Variants in BCL11B observed in about 807,000 individuals in gnomAD.
BCL11B encodes the protein BCL11 transcription factor B, also known as B-cell lymphoma/leukemia 11B.
In BCL11B, 8 loss-of-function variants were observed where a neutral mutation model predicts 49.9. That is an observed-to-expected ratio of 0.16 (90% CI 0.09 to 0.29). BCL11B has a LOEUF of 0.29. Among genes scored for constraint, BCL11B ranks in the 10% least tolerant of loss-of-function variants. The pLI, the probability that BCL11B is intolerant of heterozygous loss-of-function variation, is 1.00. For synonymous variants in BCL11B, 739 were observed against 637.4 expected (o/e 1.16, Z -2.40); for missense variants, 1,006 against 1,351.0 (o/e 0.74, Z 4.00).
At chr14:99,218,473 T>G in intron 3 of BCL11B, among the ~76,000 whole-genome samples, 1 of 152,102 alleles carries the variant, frequency 6.6e-6, no homozygotes, top group East Asian at 1.9e-4. Context: ...GTGACCACAC[T>G]GCCTTCCATA....
chr14:99,236,804 A>C (rs1234273937), intron 2 of BCL11B, among the ~76,000 whole-genome samples: 1 of 152,198 alleles, frequency 6.6e-6, no homozygotes, highest in Non-Finnish European at 1.5e-5. Context: ...CGGCTCCAAG[A>C]GCTGTCTGCT....
Position 99,231,705 on chromosome 14 carries a change from G to A in BCL11B, c.428-148C>T. 10 of 801,216 alleles carry A rather than the reference G, an allele frequency of 1.2e-5. No homozygotes were observed. The highest frequency in any genetic ancestry group is 2.0e-5 in the Non-Finnish European group (10 of 510,828). The allele number at this position is 801,216 out of a possible 1,614,324, so 49.6% of individuals were successfully genotyped here. A position where few individuals can be genotyped will look rare whatever the true frequency, so the allele number is the denominator to read the frequency against. ...CCGGGGTGCCAGGCCCTGCAGGGAA[G>A]GCAATCGGGACACAGGCGAGGGAAT... On this transcript the variant is annotated intron_variant, in intron 2 of 3. Coordinates refer to ENST00000357195, the MANE Select transcript of BCL11B (RefSeq NM_138576.4). The surrounding 1 kb of genome is among the most constrained non-coding windows in gnomAD (Gnocchi z 8.1).
rs201911943 is a variant in BCL11B at position 99,260,869 on chromosome 14, G to A, written c.59-3030C>T. Among the ~76,000 whole-genome samples the A allele has an allele frequency of 4.6e-5, 7 of 151,750 alleles. No homozygotes were observed. In the East Asian group the frequency reaches 5.8e-4, roughly 13 times the overall value. On this transcript the variant is annotated intron_variant, in intron 1 of 3. Coordinates refer to ENST00000357195, the MANE Select transcript of BCL11B (RefSeq NM_138576.4). ...CTGTTGGCGTCCCCGAGACAGCCCC[G>A]GGATTATCCAGGCCTCCAGGGCTCA...
At chr14:99,240,745 CAACAAAATGTGTAAAAATT>C (rs1468768598) in intron 2 of BCL11B, among the ~76,000 whole-genome samples, 10 of 152,284 alleles carry the variant, frequency 6.6e-5, no homozygotes, top group Admixed American at 4.6e-4. Flanking sequence ...AGTGCGTGCA[CAACAAAATGTGTAAAAATT>C]AACACTTCGC....
intron 3 of BCL11B, among the ~76,000 whole-genome samples, chr14:99,180,407 C>T (rs1319286263): frequency 6.6e-6 from 1 of 152,212 alleles, no homozygotes; most frequent in Non-Finnish European, 1.5e-5. Context: ...CAGAAACCCA[C>T]ACTGGATCTT....
At chr14:99,252,500 A>C (rs1889035444) in intron 2 of BCL11B, among the ~76,000 whole-genome samples, 2 of 152,126 alleles carry the variant, frequency 1.3e-5, no homozygotes, top group Admixed American at 1.3e-4. Flanking sequence ...TCTCTCACAC[A>C]TTTTGCTTAG....
At chr14:99,226,129 C>T (rs775393180) in intron 3 of BCL11B, among the ~76,000 whole-genome samples, 4 of 152,310 alleles carry the variant, frequency 2.6e-5, no homozygotes, top group South Asian at 4.1e-4. Context: ...GGCCCTTGGG[C>T]GATGTAGACA....
intron 3 of BCL11B, among the ~76,000 whole-genome samples, chr14:99,218,298 T>A (rs919942624): frequency 2.7e-5 from 4 of 147,376 alleles, no homozygotes; most frequent in Non-Finnish European, 5.9e-5. Flanking sequence ...GCCAGGATGG[T>A]CTCGATCCCC....
rs939568185 is a variant in BCL11B at position 99,192,294 on chromosome 14, G to A, written c.641-16099C>T. The stretch of plus-strand genomic sequence containing the variant: ...ATACAGTAGCACTTTCATTTTAAGC[G>A]CCCCAGCCACGCTTCCCTAATAACA... On this transcript the variant is annotated intron_variant, in intron 3 of 3. Transcript: ENST00000357195. The surrounding 1 kb of genome is among the most constrained non-coding windows in gnomAD (Gnocchi z 4.0). Among the ~76,000 whole-genome samples, 14 of 152,144 alleles carry A rather than the reference G, an allele frequency of 9.2e-5. No individual in the cohort carries two copies. The highest frequency in any genetic ancestry group is 3.4e-3 in the Middle Eastern group (1 of 294).
At chr14:99,196,541 G>C (rs1887184715) in intron 3 of BCL11B, among the ~76,000 whole-genome samples, 2 of 152,188 alleles carry the variant, frequency 1.3e-5, no homozygotes, top group African/African-American at 4.8e-5. Flanking sequence ...GAAAACCTAA[G>C]GTCCTAGGCC....
intron 2 of BCL11B, among the ~76,000 whole-genome samples, chr14:99,256,315 G>A (rs1175684845): frequency 2.6e-5 from 4 of 152,222 alleles, no homozygotes; most frequent in Non-Finnish European, 5.9e-5. Flanking sequence ...TGAGAGAGAA[G>A]TGCCACGGGC....
chr14:99,176,684 G>T (rs931980584), intron 3 of BCL11B, among the ~76,000 whole-genome samples: 14 of 152,100 alleles, frequency 9.2e-5, no homozygotes, highest in African/African-American at 3.1e-4. Flanking sequence ...TGGGCGGTGG[G>T]GGCTGTCCTG....
At position 99,169,523 on chromosome 14, in the gene BCL11B, T is replaced by G. The variant is rs770947326; in HGVS notation, c.*4628A>C. The G allele has an allele frequency of 3.2e-4, 65 of 202,994 alleles. No homozygotes were observed. Among genetic ancestry groups the G allele is most frequent in the Non-Finnish European group, 1.0e-4 (10 of 98,846 alleles). 12.6% of individuals were successfully genotyped at this position (202,994 alleles called of 1,614,324 possible). A position where few individuals can be genotyped will look rare whatever the true frequency, so the allele number is the denominator to read the frequency against. On this transcript the variant is annotated 3_prime_UTR_variant, in exon 4 of 4. Transcript: ENST00000357195. ...ACATTTTATCCATAATAAAAAAAAG[T>G]GCCTGTTTCTTAAACAGAGCACAAA...
intron 2 of BCL11B, among the ~76,000 whole-genome samples, chr14:99,254,467 G>A (rs923186610): frequency 2.6e-5 from 4 of 152,186 alleles, no homozygotes; most frequent in Non-Finnish European, 4.4e-5. Context: ...AAGGAAGAGC[G>A]GGGACCTGCC....
In BCL11B at chr14:99,271,253, C is replaced by T. The variant is rs752098380; in HGVS notation, c.-35G>A. The T allele has an allele frequency of 1.3e-5, 18 of 1,411,076 alleles. No homozygotes were observed. The Admixed American group carries it at 1.9e-4, about 15-fold the overall frequency. 87.4% of individuals were successfully genotyped at this position (1,411,076 alleles called of 1,614,324 possible). On this transcript the variant is annotated 5_prime_UTR_variant, in exon 1 of 4. Coordinates refer to ENST00000357195, the MANE Select transcript of BCL11B (RefSeq NM_138576.4). ...ATCTATTCTGGCATCGCCCGGAGAG[C>T]TGCACTGATGGGGGGAGCCGGGGGA...
rs767208029 is a variant in BCL11B, at chr14:99,270,367, CT to C, written c.58+793del. On this transcript the variant is annotated intron_variant, in intron 1 of 3. Coordinates refer to ENST00000357195, the MANE Select transcript of BCL11B (RefSeq NM_138576.4). ...TCTCTTCCCACTCCTAACTGACAAC[CT>C]TTTTTTTTTTCCTCGTGGCGGGGAT... 3.5e-3 allele frequency among the ~76,000 whole-genome samples: 512 copies of C among 145,280 alleles called. 6 individuals are homozygous for C. The highest frequency in any genetic ancestry group is 0.011 in the African/African-American group (422 of 39,696).
chr14:99,238,636 G>C (rs1025437487), intron 2 of BCL11B, among the ~76,000 whole-genome samples: 1 of 152,292 alleles, frequency 6.6e-6, no homozygotes, highest in South Asian at 2.1e-4. Flanking sequence ...TTTGCAGGGG[G>C]TAGGGGGGCG....
chr14:99,215,171 G>A (rs1370744993), intron 3 of BCL11B, among the ~76,000 whole-genome samples: 1 of 150,522 alleles, frequency 6.6e-6, no homozygotes, highest in African/African-American at 2.5e-5. Context: ...CCCTGCTCCG[G>A]CCAAGGGAGA....
At position 99,232,454 on chromosome 14, in the gene BCL11B, T is replaced by C. The variant is rs17639343; in HGVS notation, c.428-897A>G. Among the ~76,000 whole-genome samples the C allele has an allele frequency of 0.014, 2,083 of 152,258 alleles. 21 individuals are homozygous for C. Among genetic ancestry groups the C allele is most frequent in the South Asian group, 0.059 (284 of 4,822 alleles). On this transcript the variant is annotated intron_variant, in intron 2 of 3. Coordinates refer to ENST00000357195, the MANE Select transcript of BCL11B (RefSeq NM_138576.4). The surrounding 1 kb of genome is among the most constrained non-coding windows in gnomAD (Gnocchi z 5.1). Reference sequence around the variant, plus strand: ...AGTGAAGAAGCCCAAATTCCCTGGGTAAATAATTGAGCAGGGAAGCATCAG... The same window carrying C: ...AGTGAAGAAGCCCAAATTCCCTGGGCAAATAATTGAGCAGGGAAGCATCAG...
Sources: allele counts gnomAD v4.1 joint callset (sites outside exome capture counted in the v4.1 genomes callset), GRCh38; gene constraint gnomAD v4.1.1; non-coding constraint Gnocchi (gnomAD v3.1); transcripts MANE v1.5; gene names NCBI Gene and HGNC (gene_info 2026-07-23, HGNC 2026-07-21).